Variants in IPO11 observed in about 807,000 individuals in gnomAD.
The protein encoded by IPO11 is importin 11.
IPO11 carries 66 observed loss-of-function variants against 143.2 expected under a neutral mutation model. That is an observed-to-expected ratio of 0.46 (90% CI 0.38 to 0.57). IPO11 has a LOEUF of 0.57. IPO11 is among the 20% of genes least tolerant of loss of function. The probability of loss-of-function intolerance (pLI) is 0.00; values close to 1 mark genes in which losing one functional copy is unlikely to be tolerated. For synonymous variants in IPO11, 385 were observed against 377.8 expected, an observed-to-expected ratio of 1.02 and a Z score of -0.22; for missense variants, 1,026 against 1,141.0, an observed-to-expected ratio of 0.90 and a Z score of 1.45.
intron 5 of IPO11, among the ~76,000 whole-genome samples, chr5:62,460,202 T>A (rs1371538824): frequency 6.6e-6 from 1 of 152,262 alleles, no homozygotes; most frequent in Non-Finnish European, 1.5e-5. Context: ...TTTTCTAGAT[T>A]GTTCTCAAAC....
At chr5:62,526,521 T>A in intron 21 of IPO11, 1 of 260,266 alleles carries the variant, frequency 3.8e-6, no homozygotes, top group Non-Finnish European at 7.3e-6. Context: ...GGGGTCATGG[T>A]AACTTTTCCA....
intron 1 of IPO11, among the ~76,000 whole-genome samples, chr5:62,434,505 G>T (rs748373367): frequency 6.6e-5 from 10 of 151,914 alleles, no homozygotes; most frequent in Non-Finnish European, 1.3e-4. Context: ...TTGCTCTGTT[G>T]CCCAGGTGGG....
chr5:62,436,756 C>G (rs531291742), intron 1 of IPO11, among the ~76,000 whole-genome samples: 2 of 152,278 alleles, frequency 1.3e-5, no homozygotes, highest in South Asian at 4.1e-4. Flanking sequence ...TGGAGATGCA[C>G]CATTGGTGGC....
At chr5:62,475,657 A>G (rs771652171) in intron 8 of IPO11, among the ~76,000 whole-genome samples, 47 of 152,068 alleles carry the variant, frequency 3.1e-4, no homozygotes, top group Middle Eastern at 6.8e-3. Context: ...CTTCTTGTAG[A>G]CTCTTTTCGC....
chr5:62,613,906 C>G (rs987879715), intron 29 of IPO11, among the ~76,000 whole-genome samples: 2 of 152,160 alleles, frequency 1.3e-5, no homozygotes, highest in Non-Finnish European at 2.9e-5. Flanking sequence ...GATTCCAGCC[C>G]CCGAAGGGCC....
intron 1 of IPO11, among the ~76,000 whole-genome samples, chr5:62,436,870 C>G (rs1744262560): frequency 6.6e-6 from 1 of 152,182 alleles, no homozygotes; most frequent in African/African-American, 2.4e-5. Context: ...TTAGGTGTTA[C>G]TTACTGTATG....
At chr5:62,550,026 C>T (rs1323385920) in intron 24 of IPO11, among the ~76,000 whole-genome samples, 1 of 152,094 alleles carries the variant, frequency 6.6e-6, no homozygotes, top group African/African-American at 2.4e-5. Context: ...TTTGCTGCCT[C>T]TATTAGTGCA....
chr5:62,462,908 G>T (rs35012), intron 5 of IPO11, among the ~76,000 whole-genome samples: 13,534 of 150,608 alleles, frequency 0.09, 658 homozygotes, highest in East Asian at 0.14. Context: ...AGTGAGTCTG[G>T]CATGTAGTGG....
intron 27 of IPO11, among the ~76,000 whole-genome samples, chr5:62,574,059 C>T (rs1744232581): frequency 6.6e-6 from 1 of 152,162 alleles, no homozygotes; most frequent in Admixed American, 6.6e-5. Context: ...CTAACTATAG[C>T]TATTTGTTAT....
At chr5:62,547,378 T>C (rs1743240468) in intron 24 of IPO11, among the ~76,000 whole-genome samples, 1 of 152,116 alleles carries the variant, frequency 6.6e-6, no homozygotes, top group Non-Finnish European at 1.5e-5. Flanking sequence ...TGGAATGTCA[T>C]CATTATTACT....
chr5:62,516,165 A>T (rs1383526947), intron 20 of IPO11, among the ~76,000 whole-genome samples: 1 of 152,274 alleles, frequency 6.6e-6, no homozygotes, highest in East Asian at 1.9e-4. Flanking sequence ...GGAAGAAATC[A>T]GAAGTATCCC....
At chr5:62,586,767 AAATATATATAT>A (rs1211728419) in intron 27 of IPO11, among the ~76,000 whole-genome samples, 38 of 55,974 alleles carry the variant, frequency 6.8e-4, no homozygotes, top group Middle Eastern at 0.013. Context: ...AAAAAAAAAA[AAATATATATAT>A]ATATATATAT....
intron 1 of IPO11, among the ~76,000 whole-genome samples, chr5:62,422,197 G>A (rs1221618546): frequency 6.6e-6 from 1 of 151,988 alleles, no homozygotes; most frequent in Non-Finnish European, 1.5e-5. Context: ...CACCATCTTG[G>A]CTCACTGCAA....
intron 15 of IPO11, 112 bp downstream of exon 15, chr5:62,490,332 G>A (rs543621827): frequency 7.8e-4 from 450 of 576,132 alleles, no homozygotes; most frequent in Non-Finnish European, 1.1e-3. Flanking sequence ...AATCGTATAA[G>A]TTAGGTAATG....
At chr5:62,576,551 G>C (rs2112393807) in intron 27 of IPO11, among the ~76,000 whole-genome samples, 1 of 152,330 alleles carries the variant, frequency 6.6e-6, no homozygotes, top group Non-Finnish European at 1.5e-5. Context: ...AGCACTTTGG[G>C]AGGCCAAGGT....
chr5:62,503,844 A>G (rs753735972), intron 16 of IPO11, among the ~76,000 whole-genome samples: 1 of 152,214 alleles, frequency 6.6e-6, no homozygotes, highest in African/African-American at 2.4e-5. Flanking sequence ...TTACTTTTTG[A>G]AAAATGACTG....
At chr5:62,470,596 A>G (rs1269057983) in intron 7 of IPO11, among the ~76,000 whole-genome samples, 4 of 152,170 alleles carry the variant, frequency 2.6e-5, no homozygotes, top group South Asian at 4.1e-4. Flanking sequence ...TTTGAATGCT[A>G]TTATAACATT....
intron 18 of IPO11, 86 bp downstream of exon 18, chr5:62,504,984 A>G (rs1223700929): frequency 1.3e-5 from 9 of 690,828 alleles, no homozygotes; most frequent in Admixed American, 6.3e-5. Flanking sequence ...GAAATTATCT[A>G]TGTGTTACTT....
At position 62,623,740 on chromosome 5, in the gene IPO11, G is replaced by A. The variant is rs191905699; in HGVS notation, c.2764-3414G>A. Among the ~76,000 whole-genome samples the A allele has an allele frequency of 3.5e-4, 52 of 149,650 alleles. 2 individuals carry two copies. The South Asian group carries it at 9.6e-3, about 28-fold the overall frequency. On this transcript the variant is annotated intron_variant, in intron 29 of 29. Coordinates refer to ENST00000325324, the MANE Select transcript of IPO11 (RefSeq NM_016338.5). ...CGGCTCACTGCAGTCTCCGCCTCCC[G>A]AGTAGCTGAGTTTACAGGCACATGC... is the stretch of plus-strand genomic sequence containing the variant.
Sources: gnomAD v4.1 joint callset for allele counts (sites outside exome capture counted in the v4.1 genomes callset) on GRCh38, gnomAD v4.1.1 for gene constraint, MANE v1.5 for transcripts, NCBI Gene and HGNC (gene_info 2026-07-23, HGNC 2026-07-21) for gene names.